Variants in ATF6 observed in about 807,000 individuals in gnomAD.
The protein encoded by ATF6 is activating transcription factor 6.
A neutral mutation model predicts 83.6 loss-of-function variants in ATF6; 53 were observed. The observed-to-expected ratio is 0.63, with a 90% confidence interval of 0.51 to 0.80. The LOEUF (loss-of-function observed/expected upper bound fraction) is 0.80, where lower values mean the gene tolerates loss of function less well. Ranked by LOEUF, ATF6 falls within the 30% of genes least tolerant of loss-of-function variation. The pLI is 0.00. For missense variants in ATF6, 744 were observed against 797.9 expected, an observed-to-expected ratio of 0.93 and a Z score of 0.81; for synonymous variants, 288 against 285.8, an observed-to-expected ratio of 1.01 and a Z score of -0.08.
At chr1:161,837,090 T>C (rs1410223294) in intron 9 of ATF6, among the ~76,000 whole-genome samples, 4 of 152,200 alleles carry the variant, frequency 2.6e-5, no homozygotes, top group African/African-American at 9.6e-5. Context: ...GGTGGAATCA[T>C]GCTGTGTAAG....
intron 14 of ATF6, among the ~76,000 whole-genome samples, chr1:161,901,933 G>A (rs1459147001): frequency 6.6e-6 from 1 of 152,068 alleles, no homozygotes; most frequent in African/African-American, 2.4e-5. Context: ...TAAGAGTTAG[G>A]CAGATCTTCT....
chr1:161,851,598 C>T (rs990869520), intron 10 of ATF6, 124 bp from the exon 11 acceptor site: 1 of 576,296 alleles, frequency 1.7e-6, no homozygotes. Flanking sequence ...CTTTATCTTG[C>T]AGTATATTCT....
rs757895672 is a variant in ATF6 at position 161,958,472 on chromosome 1, G to C, written c.1831G>C (p.Glu611Gln). ...GAATGTGATCAATGGGCAGGACTAC[G>C]AAGTGATGATGCAGATTGACTGTCA... ...NENVINGQDY[E>Q]VMMQIDCQVM... is the part of the protein sequence containing the mutation. The change falls in exon 16 of 16, where the codon GAA (glutamate) becomes CAA (glutamine). Residue 611 changes from glutamate to glutamine, a missense_variant. Glu to Gln is a conservative substitution (Grantham distance 29). Transcript: ENST00000367942. 3 of 1,611,248 alleles carry C rather than the reference G, an allele frequency of 1.9e-6. No individual in the cohort carries two copies. The highest frequency in any genetic ancestry group is 1.7e-6 in the Non-Finnish European group (2 of 1,178,394).
chr1:161,824,788 A>C (rs1441687484), intron 9 of ATF6, among the ~76,000 whole-genome samples: 1 of 152,230 alleles, frequency 6.6e-6, no homozygotes, highest in Non-Finnish European at 1.5e-5. Flanking sequence ...CATACAGCAA[A>C]TATTTATAGA....
chr1:161,829,806 A>G (rs1475704441), intron 9 of ATF6, among the ~76,000 whole-genome samples: 2 of 152,244 alleles, frequency 1.3e-5, no homozygotes, highest in African/African-American at 4.8e-5. Context: ...AACATATCTC[A>G]AAATAAAAGA....
intron 15 of ATF6, among the ~76,000 whole-genome samples, chr1:161,940,661 C>T (rs1030153059): frequency 6.7e-6 from 1 of 149,992 alleles, no homozygotes; most frequent in Non-Finnish European, 1.5e-5. Flanking sequence ...CGGGTTCAAG[C>T]GATTCTTCTG....
intron 9 of ATF6, among the ~76,000 whole-genome samples, chr1:161,839,600 T>G (rs540587831): frequency 1.9e-4 from 29 of 152,288 alleles, no homozygotes; most frequent in African/African-American, 6.3e-4. Context: ...CTCAAACTGC[T>G]GGGCTGAAGC....
At chr1:161,849,818 C>G (rs183859753) in intron 10 of ATF6, among the ~76,000 whole-genome samples, 1 of 152,164 alleles carries the variant, frequency 6.6e-6, no homozygotes, top group Non-Finnish European at 1.5e-5. Flanking sequence ...GTCTCTTTGA[C>G]ATCTCTGTTT....
At chr1:161,844,021 G>T (rs373117871) in intron 9 of ATF6, among the ~76,000 whole-genome samples, 1 of 152,190 alleles carries the variant, frequency 6.6e-6, no homozygotes, top group East Asian at 1.9e-4. Context: ...ATCGATTTGT[G>T]TGAAAGGACT....
At position 161,958,580 on chromosome 1, in the gene ATF6, A is replaced by ACCT. The variant is rs1329136038; in HGVS notation, c.1940_1942dup (p.Thr647_Phe648insSer). 1 of 1,613,890 alleles carries ACCT rather than the reference A, an allele frequency of 6.2e-7. No homozygotes were observed. Among genetic ancestry groups the ACCT allele is most frequent in the East Asian group, 2.2e-5 (1 of 44,868 alleles). Reference sequence around the variant, plus strand: ...AGATCAGCAGAGGAATCAAACCAACACCTTCTTTGGCTCCCCTCCCGCAGC... The same window carrying ACCT: ...AGATCAGCAGAGGAATCAAACCAACACCTCCTTCTTTGGCTCCCCTCCCGCAGC... On this transcript the variant is annotated inframe_insertion, in exon 16 of 16. Coordinates refer to ENST00000367942, the MANE Select transcript of ATF6 (RefSeq NM_007348.4).
chr1:161,845,510 G>A (rs1028300198), intron 9 of ATF6, among the ~76,000 whole-genome samples: 1 of 152,144 alleles, frequency 6.6e-6, no homozygotes, highest in African/African-American at 2.4e-5. Flanking sequence ...GCTTACATCT[G>A]TAATCCCAGC....
Position 161,959,090 on chromosome 1 carries a change from C to T in ATF6, c.*436C>T, listed in dbSNP as rs1689027662. On this transcript the variant is annotated 3_prime_UTR_variant, in exon 16 of 16. Transcript: ENST00000367942. ...CCACACATGCATGTTCAAATGGTTT[C>T]CACTGATTCGATTTTTCATTCATTT... The T allele has an allele frequency of 6.5e-6, 1 of 154,124 alleles. No individual in the cohort carries two copies. The highest frequency in any genetic ancestry group is 2.4e-5 in the African/African-American group (1 of 41,522). 9.5% of individuals were successfully genotyped at this position (154,124 alleles called of 1,614,324 possible).
intron 1 of ATF6, among the ~76,000 whole-genome samples, chr1:161,774,618 C>A (rs936563095): frequency 1.3e-5 from 2 of 151,992 alleles, no homozygotes; most frequent in African/African-American, 4.8e-5. Flanking sequence ...ATGTGTTGAC[C>A]CATCACCTTT....
chr1:161,831,886 T>C (rs1418906567), intron 9 of ATF6, among the ~76,000 whole-genome samples: 2 of 151,470 alleles, frequency 1.3e-5, no homozygotes, highest in Non-Finnish European at 2.9e-5. Flanking sequence ...GTGGCACATA[T>C]GTATATATGT....
intron 15 of ATF6, among the ~76,000 whole-genome samples, chr1:161,920,294 C>CTTTTTTTGTTTTTTTTTT (rs1688182338): frequency 1.8e-5 from 1 of 54,846 alleles, no homozygotes; most frequent in Non-Finnish European, 3.3e-5. Context: ...CTCTCTCTCT[C>CTTTTTTTGTTTTTTTTTT]TTTTTTTTTT....
chr1:161,893,941 C>T (rs1687614848), intron 14 of ATF6, among the ~76,000 whole-genome samples: 1 of 152,106 alleles, frequency 6.6e-6, no homozygotes. Flanking sequence ...GAAAATATGT[C>T]CTTTGTAGTT....
At chr1:161,951,940 A>C (rs1688871814) in intron 15 of ATF6, among the ~76,000 whole-genome samples, 1 of 152,178 alleles carries the variant, frequency 6.6e-6, no homozygotes, top group Non-Finnish European at 1.5e-5. Context: ...CTAAATCTTT[A>C]TGAGTCTGTA....
At position 161,958,513 on chromosome 1, in the gene ATF6, G is replaced by T; in HGVS notation, c.1872G>T (p.Arg624Ser). 6.2e-7 allele frequency: 1 copy of T among 1,613,778 alleles called. No individual in the cohort carries two copies. Among genetic ancestry groups the T allele is most frequent in the Non-Finnish European group, 8.5e-7 (1 of 1,179,766 alleles). ...MQIDCQVMDT[R>S]ILHIKSSSVP... Reference sequence around the variant, plus strand: ...TTGACTGTCAGGTGATGGACACCAGGATCCTCCATATCAAAAGTTCGTCAG... The same window carrying T: ...TTGACTGTCAGGTGATGGACACCAGTATCCTCCATATCAAAAGTTCGTCAG... The change falls in exon 16 of 16, where the codon AGG (arginine) becomes AGT (serine). Residue 624 changes from arginine to serine, a missense_variant. Coordinates refer to ENST00000367942, the MANE Select transcript of ATF6 (RefSeq NM_007348.4).
intron 8 of ATF6, among the ~76,000 whole-genome samples, chr1:161,820,247 C>T (rs1410665046): frequency 6.6e-6 from 1 of 152,188 alleles, no homozygotes; most frequent in Non-Finnish European, 1.5e-5. Flanking sequence ...CTCCTCAGTT[C>T]TATTCGGGAA....
Sources: gnomAD v4.1 joint callset for allele counts (sites outside exome capture counted in the v4.1 genomes callset) on GRCh38, gnomAD v4.1.1 for gene constraint, MANE v1.5 for transcripts, NCBI Gene and HGNC (gene_info 2026-07-23, HGNC 2026-07-21) for gene names.